ADK: variants seen among roughly 807,000 people sequenced by gnomAD.
ADK encodes N6,N6-dimethyladenosine kinase.
In ADK, 24 loss-of-function variants were observed where a neutral mutation model predicts 44.7. The observed-to-expected ratio is 0.54, with a 90% CI of 0.39 to 0.76. The LOEUF is 0.76. Ranked by LOEUF, ADK falls within the 30% of genes least tolerant of loss-of-function variation. The pLI, the probability that ADK is intolerant of heterozygous loss-of-function variation, is 0.00. For missense variants in ADK, 321 were observed against 425.1 expected, an observed-to-expected ratio of 0.76 and a Z score of 2.15; for synonymous variants, 128 against 142.6, an observed-to-expected ratio of 0.90 and a Z score of 0.73.
intron 6 of ADK, among the ~76,000 whole-genome samples, chr10:74,499,581 A>T (rs971297520): frequency 1.3e-5 from 2 of 152,016 alleles, no homozygotes; most frequent in Non-Finnish European, 2.9e-5. Flanking sequence ...CCAGCTGCTC[A>T]GGAGGCTGAG....
intron 7 of ADK, among the ~76,000 whole-genome samples, chr10:74,527,277 C>CG (rs1322066950): frequency 1.3e-5 from 2 of 151,974 alleles, no homozygotes; most frequent in Non-Finnish European, 2.9e-5. Flanking sequence ...AGGAGAATGG[C>CG]GTGAACCCAG....
chr10:74,428,815 A>C (rs1844885719), intron 6 of ADK, among the ~76,000 whole-genome samples: 1 of 152,226 alleles, frequency 6.6e-6, no homozygotes, highest in African/African-American at 2.4e-5. Context: ...AAATCAGACA[A>C]CACATTGACA....
intron 3 of ADK, among the ~76,000 whole-genome samples, chr10:74,310,931 T>G (rs1840414020): frequency 6.6e-6 from 1 of 152,190 alleles, no homozygotes; most frequent in South Asian, 2.1e-4. Flanking sequence ...TTCTTTGCTC[T>G]TGTTTTTTAT....
chr10:74,239,634 C>T (rs1845117037), intron 3 of ADK, among the ~76,000 whole-genome samples: 1 of 147,166 alleles, frequency 6.8e-6, no homozygotes, highest in African/African-American at 2.5e-5. Context: ...ATCTCTTGAC[C>T]TGGGGAGGTT....
rs56052959 is a variant in ADK at position 74,312,914 on chromosome 10, C to CAAAAAAAAAAA, written c.195-1737_195-1727dup. On this transcript the variant is annotated intron_variant, in intron 3 of 10. Transcript: ENST00000539909. ...GGATGAAAAAGGAAGATTCTGTCTC[C>CAAAAAAAAAAA]AAAAAAAAAAAAAAAAAAAAAAAAA... 2.6e-3 allele frequency among the ~76,000 whole-genome samples: 98 copies of CAAAAAAAAAAA among 37,830 alleles called. 12 individuals carry two copies. The highest frequency in any genetic ancestry group is 2.7e-3 in the Non-Finnish European group (59 of 21,768). The allele number at this position is 37,830 out of a possible 152,430, so 24.8% of individuals were successfully genotyped here.
intron 9 of ADK, among the ~76,000 whole-genome samples, chr10:74,664,933 G>T (rs1008435719): frequency 2.0e-5 from 3 of 152,144 alleles, no homozygotes; most frequent in Admixed American, 2.0e-4. Flanking sequence ...TAAGAAAATT[G>T]AACTGTGGAC....
chr10:74,262,192 G>A (rs1471184220), intron 3 of ADK, among the ~76,000 whole-genome samples: 1 of 151,844 alleles, frequency 6.6e-6, no homozygotes, highest in East Asian at 1.9e-4. Flanking sequence ...GGTGGCAGGT[G>A]CCTGTAAATC....
chr10:74,182,348 T>TTTTATTTATTTATTTATTTATTTA (rs370735383), intron 1 of ADK, among the ~76,000 whole-genome samples: 47 of 145,724 alleles, frequency 3.2e-4, no homozygotes, highest in Admixed American at 6.9e-4. Flanking sequence ...ACAGAAATCT[T>TTTTATTTATTTATTTATTTATTTA]TTTATTTATT....
intron 7 of ADK, among the ~76,000 whole-genome samples, chr10:74,565,215 C>G (rs561268257): frequency 5.9e-5 from 9 of 152,154 alleles, no homozygotes; most frequent in African/African-American, 2.2e-4. Context: ...GGAGCCTAGT[C>G]AAGTCACAAA....
intron 3 of ADK, among the ~76,000 whole-genome samples, chr10:74,279,778 A>G (rs1846846569): frequency 6.6e-6 from 1 of 152,012 alleles, no homozygotes; most frequent in Non-Finnish European, 1.5e-5. Flanking sequence ...CAGGTCTGTA[A>G]TCCCAGCAAG....
chr10:74,223,674 T>G (rs930291855), intron 2 of ADK, among the ~76,000 whole-genome samples: 1 of 152,326 alleles, frequency 6.6e-6, no homozygotes, highest in African/African-American at 2.4e-5. Context: ...TATATGGTAC[T>G]GTGAAAGATC....
intron 6 of ADK, among the ~76,000 whole-genome samples, chr10:74,418,870 C>T (rs575841680): frequency 6.6e-6 from 1 of 152,140 alleles, no homozygotes; most frequent in Non-Finnish European, 1.5e-5. Flanking sequence ...AGTCTGATTA[C>T]CTCCGATGGA....
intron 4 of ADK, among the ~76,000 whole-genome samples, chr10:74,335,618 C>G (rs1841380158): frequency 6.6e-6 from 1 of 152,114 alleles, no homozygotes; most frequent in African/African-American, 2.4e-5. Flanking sequence ...TTGCCAAACT[C>G]CTTTCCAAAG....
chr10:74,538,248 C>T (rs967704968), intron 7 of ADK, among the ~76,000 whole-genome samples: 4 of 149,074 alleles, frequency 2.7e-5, no homozygotes, highest in East Asian at 3.9e-4. Context: ...AGCGAGACTC[C>T]GTCTCACAAA....
intron 3 of ADK, among the ~76,000 whole-genome samples, chr10:74,313,302 C>T (rs1397952153): frequency 6.6e-6 from 1 of 151,952 alleles, no homozygotes; most frequent in African/African-American, 2.4e-5. Flanking sequence ...TTTCTTTTAA[C>T]CTAATTCCAT....
At chr10:74,700,534 C>T (rs1411093377) in intron 10 of ADK, among the ~76,000 whole-genome samples, 1 of 151,808 alleles carries the variant, frequency 6.6e-6, no homozygotes, top group African/African-American at 2.4e-5. Context: ...TGAGCCATGG[C>T]ACCCAGCCTC....
chr10:74,613,949 G>C (rs554431014), intron 9 of ADK, among the ~76,000 whole-genome samples: 157 of 152,146 alleles, frequency 1.0e-3, no homozygotes, highest in African/African-American at 3.6e-3. Context: ...GTCTTGTATG[G>C]CATTCATAGA....
In ADK at chr10:74,482,980, T is replaced by C. The variant is rs1487095387; in HGVS notation, c.556-42276T>C. On this transcript the variant is annotated intron_variant, in intron 6 of 10. Transcript: ENST00000539909. ...GCAAGCTGTCGGTGGACCTACCATT[T>C]TGAGGTCTGGAGGACAGTGGCCCTC... Among the ~76,000 whole-genome samples, 3 of 152,130 alleles carry C rather than the reference T, an allele frequency of 2.0e-5. No homozygotes were observed. The East Asian group carries it at 5.8e-4, about 29-fold the overall frequency.
intron 9 of ADK, among the ~76,000 whole-genome samples, chr10:74,657,089 A>T (rs1247598264): frequency 1.3e-5 from 2 of 151,914 alleles, no homozygotes; most frequent in East Asian, 1.9e-4. Flanking sequence ...TTTTGTAGAA[A>T]CAGGGCCATG....
Sources: allele counts gnomAD v4.1 joint callset (sites outside exome capture counted in the v4.1 genomes callset), GRCh38; gene constraint gnomAD v4.1.1; transcripts MANE v1.5; gene names NCBI Gene and HGNC (gene_info 2026-07-23, HGNC 2026-07-21).